AUTS2: variants seen among roughly 807,000 people sequenced by gnomAD.
AUTS2 encodes the protein autism susceptibility gene 2 protein.
Under a neutral mutation model 112.4 loss-of-function variants are expected in AUTS2, and 17 were observed. The observed-to-expected ratio is 0.15, with a 90% CI of 0.10 to 0.23. The LOEUF (loss-of-function observed/expected upper bound fraction) is 0.23, where lower values mean the gene tolerates loss of function less well. AUTS2 is among the 10% of genes least tolerant of loss of function. The pLI is 1.00. For synonymous variants in AUTS2, 751 were observed against 702.7 expected (o/e 1.07, Z -1.09); for missense variants, 1,510 against 1,701.6 (o/e 0.89, Z 1.98).
intron 4 of AUTS2, among the ~76,000 whole-genome samples, chr7:70,274,336 A>G (rs1787831236): frequency 6.6e-6 from 1 of 151,952 alleles, no homozygotes; most frequent in Non-Finnish European, 1.5e-5. Flanking sequence ...TTTGTTGCTC[A>G]GGCTAGAGTG....
chr7:70,317,201 A>G (rs1790036751), intron 4 of AUTS2, among the ~76,000 whole-genome samples: 1 of 151,724 alleles, frequency 6.6e-6, no homozygotes, highest in African/African-American at 2.4e-5. Context: ...GTACAAATGG[A>G]TACTTTTTCC....
chr7:69,613,947 AT>A (rs1452562005), intron 1 of AUTS2, among the ~76,000 whole-genome samples: 1 of 152,158 alleles, frequency 6.6e-6, no homozygotes, highest in Non-Finnish European at 1.5e-5. Context: ...TTCTAAGCAG[AT>A]TTGCAAATTG....
intron 1 of AUTS2, among the ~76,000 whole-genome samples, chr7:69,811,583 T>C (rs1053497299): frequency 6.6e-6 from 1 of 152,172 alleles, no homozygotes; most frequent in African/African-American, 2.4e-5. Flanking sequence ...CTTCACGTGA[T>C]TTTTAGTTTA....
intron 1 of AUTS2, among the ~76,000 whole-genome samples, chr7:69,713,751 G>A (rs574307847): frequency 2.0e-5 from 3 of 152,198 alleles, no homozygotes; most frequent in African/African-American, 7.2e-5. Flanking sequence ...GTGAACCACT[G>A]TGCCCGGCCT....
intron 2 of AUTS2, among the ~76,000 whole-genome samples, chr7:69,985,514 G>A (rs1461898900): frequency 3.3e-5 from 5 of 152,270 alleles, no homozygotes; most frequent in African/African-American, 1.2e-4. Context: ...ATCCTCTAGG[G>A]CTTCTTATTA....
chr7:70,759,713 GC>G (rs1247219270), intron 6 of AUTS2, among the ~76,000 whole-genome samples: 2 of 152,182 alleles, frequency 1.3e-5, no homozygotes, highest in Non-Finnish European at 2.9e-5. Context: ...TGGGAAGCGA[GC>G]CCACGCCTGC....
chr7:69,621,402 C>CTT (rs747083344), intron 1 of AUTS2, among the ~76,000 whole-genome samples: 1 of 150,674 alleles, frequency 6.6e-6, no homozygotes, highest in East Asian at 2.0e-4. Flanking sequence ...CTCGCCTCCA[C>CTT]TTTATCTTTG....
At chr7:70,685,356 C>A in intron 5 of AUTS2, among the ~76,000 whole-genome samples, 1 of 151,634 alleles carries the variant, frequency 6.6e-6, no homozygotes, top group Middle Eastern at 3.4e-3. Context: ...CCCTGTAGAC[C>A]CAGCTTCTCA....
intron 4 of AUTS2, among the ~76,000 whole-genome samples, chr7:70,145,121 G>A (rs755918189): frequency 6.6e-6 from 1 of 151,932 alleles, no homozygotes; most frequent in Non-Finnish European, 1.5e-5. Flanking sequence ...AATGCCCCAC[G>A]ATTTGATTTA....
At chr7:69,881,204 A>G (rs1794027121) in intron 1 of AUTS2, among the ~76,000 whole-genome samples, 1 of 152,204 alleles carries the variant, frequency 6.6e-6, no homozygotes, top group African/African-American at 2.4e-5. Flanking sequence ...TACTAGTAAG[A>G]GCACATAAAG....
At chr7:70,604,956 T>G (rs149150018) in intron 5 of AUTS2, among the ~76,000 whole-genome samples, 3 of 152,330 alleles carry the variant, frequency 2.0e-5, no homozygotes, top group African/African-American at 7.2e-5. Context: ...AAAATCAGAT[T>G]TCTTCACTGT....
At chr7:70,311,062 GC>G (rs1236228655) in intron 4 of AUTS2, among the ~76,000 whole-genome samples, 2 of 152,106 alleles carry the variant, frequency 1.3e-5, no homozygotes, top group Admixed American at 1.3e-4. Context: ...CTCTCCATAG[GC>G]CTGTTGTGAG....
intron 2 of AUTS2, among the ~76,000 whole-genome samples, chr7:70,111,976 T>G (rs1022392303): frequency 4.6e-5 from 7 of 152,010 alleles, no homozygotes; most frequent in Non-Finnish European, 7.4e-5. Flanking sequence ...TCTAATGATG[T>G]TCTTCTCATT....
At chr7:70,161,320 A>G (rs1199131833) in intron 4 of AUTS2, among the ~76,000 whole-genome samples, 1 of 150,940 alleles carries the variant, frequency 6.6e-6, no homozygotes, top group Non-Finnish European at 1.5e-5. Context: ...GGCTTATGAG[A>G]TAGTAGGTGA....
At chr7:70,781,166 GC>G (rs1436180093) in intron 14 of AUTS2, among the ~76,000 whole-genome samples, 1 of 152,050 alleles carries the variant, frequency 6.6e-6, no homozygotes, top group Non-Finnish European at 1.5e-5. Context: ...TTTGAGACCA[GC>G]CTGGCCAACA....
At chr7:69,727,813 T>A (rs920534068) in intron 1 of AUTS2, among the ~76,000 whole-genome samples, 3 of 152,172 alleles carry the variant, frequency 2.0e-5, no homozygotes, top group Admixed American at 6.5e-5. Context: ...GTAGGCCCTT[T>A]TCTTTTTTAT....
intron 6 of AUTS2, among the ~76,000 whole-genome samples, chr7:70,739,332 T>G (rs1446630934): frequency 6.6e-6 from 1 of 150,616 alleles, no homozygotes; most frequent in Admixed American, 6.6e-5. Context: ...CCACTAATGT[T>G]GCCTTTTTTT....
At chr7:70,305,989 G>A (rs1217910928) in intron 4 of AUTS2, among the ~76,000 whole-genome samples, 2 of 151,458 alleles carry the variant, frequency 1.3e-5, no homozygotes, top group East Asian at 3.9e-4. Flanking sequence ...AGAAATGCAA[G>A]TGGGAAAAAA....
intron 1 of AUTS2, among the ~76,000 whole-genome samples, chr7:69,783,506 C>T (rs755810413): frequency 3.9e-5 from 6 of 151,958 alleles, no homozygotes; most frequent in Non-Finnish European, 5.9e-5. Flanking sequence ...ATTTTTGCGG[C>T]ATCTTTCCAG....
Sources: allele counts gnomAD v4.1 joint callset (sites outside exome capture counted in the v4.1 genomes callset), GRCh38; gene constraint gnomAD v4.1.1; transcripts MANE v1.5; gene names NCBI Gene and HGNC (gene_info 2026-07-23, HGNC 2026-07-21).